GFRA1: variants seen among roughly 807,000 people sequenced by gnomAD.
GFRA1 encodes GDNF family receptor alpha 1, also known as GDNF family receptor alpha-1.
A neutral mutation model predicts 51.6 loss-of-function variants in GFRA1; 16 were observed. That is an observed-to-expected ratio of 0.31 (90% CI 0.21 to 0.47). The LOEUF is 0.47. Ranked by LOEUF, GFRA1 falls within the 20% of genes least tolerant of loss-of-function variation. The pLI is 1.00. For missense variants in GFRA1, 530 were observed against 594.3 expected (o/e 0.89, Z 1.13); for synonymous variants, 270 against 241.3 (o/e 1.12, Z -1.10).
At chr10:116,252,781 A>C (rs1968494822) in intron 4 of GFRA1, among the ~76,000 whole-genome samples, 1 of 152,178 alleles carries the variant, frequency 6.6e-6, no homozygotes, top group Admixed American at 6.5e-5. Flanking sequence ...ATGCTGTCTC[A>C]TAACAAAGAT....
chr10:116,219,793 G>A (rs996584764), intron 4 of GFRA1, among the ~76,000 whole-genome samples: 15 of 152,202 alleles, frequency 9.9e-5, no homozygotes, highest in African/African-American at 3.1e-4. Context: ...GCTGTGATTA[G>A]CAATGACGTA....
rs773176809 is a variant in GFRA1 at position 116,061,603 on chromosome 10, G to A, written c.*2795C>T. ...TGGCTAGATGTAATCAGGGAGTCACGGTCTGCATGGACCCTAGTTACTGTT... is the reference window on the plus strand; with the variant it reads ...TGGCTAGATGTAATCAGGGAGTCACAGTCTGCATGGACCCTAGTTACTGTT... On this transcript the variant is annotated 3_prime_UTR_variant, in exon 11 of 11. Transcript: ENST00000355422. 5.4e-5 allele frequency: 9 copies of A among 166,132 alleles called. No homozygotes were observed. The highest frequency in any genetic ancestry group is 1.4e-4 in the African/African-American group (6 of 42,102). The allele number at this position is 166,132 out of a possible 1,614,324, so 10.3% of individuals were successfully genotyped here. A position where few individuals can be genotyped will look rare whatever the true frequency, so the allele number is the denominator to read the frequency against.
intron 5 of GFRA1, among the ~76,000 whole-genome samples, chr10:116,192,585 T>C (rs73370487): frequency 0.12 from 18,241 of 152,222 alleles, 1,675 homozygotes; most frequent in African/African-American, 0.26. Context: ...CTGTAGACTC[T>C]GAGAATTGAA....
At chr10:116,226,957 T>C (rs1276727966) in intron 4 of GFRA1, among the ~76,000 whole-genome samples, 2 of 152,012 alleles carry the variant, frequency 1.3e-5, no homozygotes, top group Non-Finnish European at 2.9e-5. Flanking sequence ...GGTCAGGCGG[T>C]AATGTGGGCA....
At chr10:116,255,659 C>T in intron 4 of GFRA1, 1 of 1,289,124 alleles carries the variant, frequency 7.8e-7, no homozygotes, top group Non-Finnish European at 1.0e-6. Flanking sequence ...CACATCCCCA[C>T]ATTCCGGTCT....
chr10:116,259,564 T>C (rs1478640425), intron 4 of GFRA1, among the ~76,000 whole-genome samples: 1 of 152,148 alleles, frequency 6.6e-6, no homozygotes, highest in Non-Finnish European at 1.5e-5. Context: ...GGCCCAAATA[T>C]TAAAATAATA....
chr10:116,206,818 G>C (rs1044965058), intron 5 of GFRA1, among the ~76,000 whole-genome samples: 1 of 151,508 alleles, frequency 6.6e-6, no homozygotes, highest in Admixed American at 6.6e-5. Context: ...ATTTTTAGTA[G>C]AGACGGGGTT....
chr10:116,236,214 G>A (rs891522202), intron 4 of GFRA1, among the ~76,000 whole-genome samples: 2 of 152,116 alleles, frequency 1.3e-5, no homozygotes, highest in African/African-American at 2.4e-5. Context: ...TGGTGCCCAA[G>A]GGGGACCTGC....
At position 116,062,067 on chromosome 10, in the gene GFRA1, A is replaced by G. The variant is rs960496392; in HGVS notation, c.*2331T>C. 61 of 398,494 alleles carry G rather than the reference A, an allele frequency of 1.5e-4. No homozygotes were observed. Among genetic ancestry groups the G allele is most frequent in the South Asian group, 1.3e-4 (1 of 7,866 alleles). The allele number at this position is 398,494 out of a possible 1,614,324, so 24.7% of individuals were successfully genotyped here. ...GATGAGGCTTTTCAAAATGTAATTTATATATTGCCTACCCATGCATTCTTC... is the reference window on the plus strand; with the variant it reads ...GATGAGGCTTTTCAAAATGTAATTTGTATATTGCCTACCCATGCATTCTTC... On this transcript the variant is annotated 3_prime_UTR_variant, in exon 11 of 11. Coordinates refer to ENST00000355422, the MANE Select transcript of GFRA1 (RefSeq NM_005264.8).
At position 116,200,906 on chromosome 10, in the gene GFRA1, C is replaced by T. The variant is rs757002744; in HGVS notation, c.433+10725G>A. Reference sequence around the variant, plus strand: ...AGAAAGCGAGTTAATGTATGTGGAACGCTCATTGACATGCCTGGCACACAG... The same window carrying T: ...AGAAAGCGAGTTAATGTATGTGGAATGCTCATTGACATGCCTGGCACACAG... On this transcript the variant is annotated intron_variant, in intron 5 of 10. Transcript: ENST00000355422. Among the ~76,000 whole-genome samples, 12 of 152,196 alleles carry T rather than the reference C, an allele frequency of 7.9e-5. No individual in the cohort carries two copies. The South Asian group carries it at 8.3e-4, about 10-fold the overall frequency.
At chr10:116,157,594 C>G (rs1959280538) in intron 5 of GFRA1, among the ~76,000 whole-genome samples, 3 of 152,174 alleles carry the variant, frequency 2.0e-5, no homozygotes. Flanking sequence ...CCTATTCATC[C>G]TTGAAGAAAG....
chr10:116,086,137 T>C (rs1259552820), intron 9 of GFRA1, among the ~76,000 whole-genome samples: 1 of 152,186 alleles, frequency 6.6e-6, no homozygotes, highest in African/African-American at 2.4e-5. Flanking sequence ...GGCAAGGATG[T>C]CTGCCACACC....
intron 4 of GFRA1, among the ~76,000 whole-genome samples, chr10:116,233,002 A>T (rs992315793): frequency 2.0e-5 from 3 of 152,196 alleles, no homozygotes; most frequent in African/African-American, 4.8e-5. Flanking sequence ...GGATTCTAAA[A>T]AGCCACCTTT....
rs142660834 is a variant in GFRA1 at position 116,077,413 on chromosome 10, A to G, written c.1198-11787T>C. ...AAGGTGTGCAATAGATTTTGATAAA[A>G]GCTATTTTTCTAAGTCATTAAATTG... On this transcript the variant is annotated intron_variant, in intron 9 of 10. Coordinates refer to ENST00000355422, the MANE Select transcript of GFRA1 (RefSeq NM_005264.8). 2.2e-3 allele frequency among the ~76,000 whole-genome samples: 332 copies of G among 152,322 alleles called. 2 individuals carry two copies. Among genetic ancestry groups the G allele is most frequent in the Non-Finnish European group, 4.2e-3 (286 of 68,032 alleles).
chr10:116,178,299 C>CGAGG (rs1555163903), intron 5 of GFRA1, among the ~76,000 whole-genome samples: 7 of 138,988 alleles, frequency 5.0e-5, no homozygotes, highest in African/African-American at 1.8e-4. Context: ...CACAAGGGGC[C>CGAGG]GGGGGGGCGT....
chr10:116,180,396 A>G (rs1962097143), intron 5 of GFRA1, among the ~76,000 whole-genome samples: 1 of 152,224 alleles, frequency 6.6e-6, no homozygotes, highest in Non-Finnish European at 1.5e-5. Context: ...ATATTCCAAG[A>G]AAGCTGGGTC....
chr10:116,244,123 C>T (rs1219978836), intron 4 of GFRA1, among the ~76,000 whole-genome samples: 1 of 151,898 alleles, frequency 6.6e-6, no homozygotes, highest in Non-Finnish European at 1.5e-5. Flanking sequence ...AAGAAAAAAA[C>T]AGTCATGAAA....
chr10:116,239,466 C>T (rs896767828), intron 4 of GFRA1, among the ~76,000 whole-genome samples: 11 of 152,074 alleles, frequency 7.2e-5, no homozygotes, highest in Non-Finnish European at 1.2e-4. Flanking sequence ...ATTGATCTCA[C>T]GCAGAGGCAG....
chr10:116,185,766 C>A (rs1464774624), intron 5 of GFRA1, among the ~76,000 whole-genome samples: 2 of 152,190 alleles, frequency 1.3e-5, no homozygotes, highest in African/African-American at 4.8e-5. Context: ...CTTAATAAAT[C>A]ATTTGCACGG....
Sources: gnomAD v4.1 joint callset for allele counts (sites outside exome capture counted in the v4.1 genomes callset) on GRCh38, gnomAD v4.1.1 for gene constraint, MANE v1.5 for transcripts, NCBI Gene and HGNC (gene_info 2026-07-23, HGNC 2026-07-21) for gene names.